CACNA2D3: variants seen among roughly 807,000 people sequenced by gnomAD.
The protein encoded by CACNA2D3 is voltage-dependent calcium channel subunit alpha-2/delta-3.
Under a neutral mutation model 160.6 loss-of-function variants are expected in CACNA2D3, and 60 were observed. The observed-to-expected ratio is 0.37, with a 90% CI of 0.30 to 0.46. The LOEUF (loss-of-function observed/expected upper bound fraction) is 0.46, where lower values mean the gene tolerates loss of function less well. Ranked by LOEUF, CACNA2D3 falls within the 20% of genes least tolerant of loss-of-function variation. The probability of loss-of-function intolerance (pLI) is 1.00; values close to 1 mark genes in which losing one functional copy is unlikely to be tolerated. For synonymous variants in CACNA2D3, 558 were observed against 492.9 expected (o/e 1.13, Z -1.75); for missense variants, 1,205 against 1,365.0 (o/e 0.88, Z 1.85).
intron 5 of CACNA2D3, among the ~76,000 whole-genome samples, chr3:54,539,140 A>G (rs1206801410): frequency 1.3e-5 from 2 of 152,188 alleles, no homozygotes; most frequent in African/African-American, 2.4e-5. Flanking sequence ...GGCCGTGTTC[A>G]TGTTCCACTA....
At chr3:54,583,232 T>A (rs1350949186) in intron 9 of CACNA2D3, among the ~76,000 whole-genome samples, 5 of 152,152 alleles carry the variant, frequency 3.3e-5, no homozygotes, top group Admixed American at 2.0e-4. Flanking sequence ...ACTTAAATGA[T>A]CAAAGCCTTC....
intron 35 of CACNA2D3, among the ~76,000 whole-genome samples, chr3:55,044,881 T>C (rs1704042554): frequency 6.6e-6 from 1 of 152,246 alleles, no homozygotes; most frequent in East Asian, 1.9e-4. Context: ...GATAATCATA[T>C]GGACTTCTTT....
chr3:54,302,064 C>T (rs1416721294), intron 2 of CACNA2D3, among the ~76,000 whole-genome samples: 2 of 152,204 alleles, frequency 1.3e-5, no homozygotes, highest in Non-Finnish European at 2.9e-5. Context: ...CCTGATCTAG[C>T]ATCTGTAAGT....
At chr3:54,458,219 A>G (rs1700434300) in intron 4 of CACNA2D3, among the ~76,000 whole-genome samples, 1 of 151,840 alleles carries the variant, frequency 6.6e-6, no homozygotes, top group Non-Finnish European at 1.5e-5. Context: ...ATAATGTTTG[A>G]TTCTTTTCTC....
At chr3:54,676,304 C>G (rs1351424760) in intron 11 of CACNA2D3, among the ~76,000 whole-genome samples, 2 of 152,116 alleles carry the variant, frequency 1.3e-5, no homozygotes, top group African/African-American at 4.8e-5. Context: ...TACATATAAA[C>G]AGAGATGATT....
chr3:54,556,078 A>C (rs1250849177), intron 5 of CACNA2D3, among the ~76,000 whole-genome samples: 2 of 152,186 alleles, frequency 1.3e-5, no homozygotes, highest in Non-Finnish European at 2.9e-5. Flanking sequence ...GAATACATAC[A>C]AACCATGAGA....
intron 17 of CACNA2D3, among the ~76,000 whole-genome samples, chr3:54,869,162 G>A (rs1451555574): frequency 1.3e-5 from 2 of 152,170 alleles, no homozygotes; most frequent in African/African-American, 4.8e-5. Flanking sequence ...TCTGGAGCTT[G>A]TAGTCTTTTT....
intron 2 of CACNA2D3, among the ~76,000 whole-genome samples, chr3:54,169,785 G>A (rs1038991617): frequency 2.6e-4 from 40 of 151,958 alleles, no homozygotes; most frequent in Non-Finnish European, 2.9e-4. Context: ...AGGTGGTGAT[G>A]ATGGATCAGG....
intron 9 of CACNA2D3, among the ~76,000 whole-genome samples, chr3:54,584,312 G>A (rs918793567): frequency 9.2e-5 from 14 of 152,146 alleles, no homozygotes; most frequent in Non-Finnish European, 2.9e-5. Context: ...AAATGAAACA[G>A]TAGAAAATCT....
chr3:54,796,782 A>G (rs1306342197), intron 13 of CACNA2D3, among the ~76,000 whole-genome samples: 4 of 152,320 alleles, frequency 2.6e-5, no homozygotes, highest in East Asian at 3.9e-4. Context: ...AAAGAGCTAC[A>G]TAGTCACTTA....
chr3:54,447,231 T>C (rs1050110308), intron 4 of CACNA2D3, among the ~76,000 whole-genome samples: 35 of 152,154 alleles, frequency 2.3e-4, no homozygotes, highest in African/African-American at 8.2e-4. Context: ...GGAAAGAAAA[T>C]CTGAGAAATT....
chr3:54,207,688 C>T (rs896223097), intron 2 of CACNA2D3, among the ~76,000 whole-genome samples: 1 of 152,076 alleles, frequency 6.6e-6, no homozygotes, highest in African/African-American at 2.4e-5. Flanking sequence ...GTGCACATTC[C>T]ACCATATGGG....
Position 54,122,726 on chromosome 3 carries a change from G to T in CACNA2D3, c.13G>T (p.Gly5Cys). ...GAGGGAGCCCAGCATGGCCGGGCCGGGCTCGCCGCGCCGCGCGTCCCGGGG... is the reference window on the plus strand; with the variant it reads ...GAGGGAGCCCAGCATGGCCGGGCCGTGCTCGCCGCGCCGCGCGTCCCGGGG... MAGP[G>C]SPRRASRGAS... The change falls in exon 1 of 38, where the codon GGC becomes TGC. Residue 5 changes from glycine (G) to cysteine (C), a missense_variant. Around this residue, in one of 3 missense-constraint regions of CACNA2D3, gnomAD observed 163 missense variants for 161.3 expected, o/e 1.01. Coordinates refer to ENST00000474759, the MANE Select transcript of CACNA2D3 (RefSeq NM_018398.3). The T allele has an allele frequency of 8.3e-7, 1 of 1,204,854 alleles. No individual in the cohort carries two copies. Among genetic ancestry groups the T allele is most frequent in the African/African-American group, 1.6e-5 (1 of 63,000 alleles). 74.6% of individuals were successfully genotyped at this position (1,204,854 alleles called of 1,614,324 possible).
At chr3:54,563,384 G>T (rs1702357717) in intron 6 of CACNA2D3, among the ~76,000 whole-genome samples, 1 of 152,194 alleles carries the variant, frequency 6.6e-6, no homozygotes, top group Non-Finnish European at 1.5e-5. Flanking sequence ...CCCAAGAGCT[G>T]ACTCCCCTTG....
intron 12 of CACNA2D3, among the ~76,000 whole-genome samples, chr3:54,763,892 TATGTGG>T (rs1387065602): frequency 2.7e-4 from 1 of 3,648 alleles, no homozygotes; most frequent in African/African-American, 6.7e-4. Flanking sequence ...TATATATATG[TATGTGG>T]GGGGGGGGGG....
intron 37 of CACNA2D3, 52 bp from the exon 38 acceptor site, chr3:55,074,061 GA>G: frequency 6.9e-7 from 1 of 1,455,758 alleles, no homozygotes; most frequent in Non-Finnish European, 9.7e-7. Flanking sequence ...GGGGAAAGTT[GA>G]AGGTGTCCTG....
intron 2 of CACNA2D3, among the ~76,000 whole-genome samples, chr3:54,214,968 A>G (rs1288367766): frequency 6.6e-6 from 1 of 152,166 alleles, no homozygotes. Context: ...AATAAAGCAC[A>G]ATACCCCAGA....
In CACNA2D3 at chr3:54,736,035, G is replaced by GTA. The variant is rs1207683593; in HGVS notation, c.1168-16555_1168-16554dup. Among the ~76,000 whole-genome samples the GTA allele has an allele frequency of 3.2e-3, 160 of 50,212 alleles. 8 individuals carry two copies. The highest frequency in any genetic ancestry group is 0.011 in the Middle Eastern group (1 of 88). 32.9% of individuals were successfully genotyped at this position (50,212 alleles called of 152,430 possible). A position where few individuals can be genotyped will look rare whatever the true frequency, so the allele number is the denominator to read the frequency against. ...TATATATACACATACATATATATATGTATATATATACACATACATATGTAT... is the reference window on the plus strand; with the variant it reads ...TATATATACACATACATATATATATGTATATATATATACACATACATATGTAT... On this transcript the variant is annotated intron_variant, in intron 11 of 37. Coordinates refer to ENST00000474759, the MANE Select transcript of CACNA2D3 (RefSeq NM_018398.3).
At chr3:54,624,151 C>T (rs1699045590) in intron 9 of CACNA2D3, among the ~76,000 whole-genome samples, 1 of 152,068 alleles carries the variant, frequency 6.6e-6, no homozygotes, top group South Asian at 2.1e-4. Context: ...AGATATGTAC[C>T]AGGAAGAAAC....
Sources: allele counts gnomAD v4.1 joint callset (sites outside exome capture counted in the v4.1 genomes callset), GRCh38; gene constraint gnomAD v4.1.1; regional missense constraint gnomAD v4.1.1; transcripts MANE v1.5; gene names NCBI Gene and HGNC (gene_info 2026-07-23, HGNC 2026-07-21).